SEC13: variants seen among roughly 807,000 people sequenced by gnomAD.
SEC13 encodes SEC13 homolog, nuclear pore and COPII component, also known as protein SEC13 homolog.
A neutral mutation model predicts 49.2 loss-of-function variants in SEC13; 25 were observed. The observed-to-expected ratio is 0.51, with a 90% CI of 0.37 to 0.71. The LOEUF (loss-of-function observed/expected upper bound fraction) is 0.71. Among genes scored for constraint, SEC13 ranks in the 30% least tolerant of loss-of-function variants. The pLI is 0.00. For synonymous variants in SEC13, 148 were observed against 163.9 expected (o/e 0.90, Z 0.74); for missense variants, 383 against 417.6 (o/e 0.92, Z 0.72).
intron 1 of SEC13, 106 bp downstream of exon 1, chr3:10,320,944 C>A: frequency 6.4e-7 from 1 of 1,559,380 alleles, no homozygotes; most frequent in East Asian, 2.4e-5. Flanking sequence ...TGGAGGGGAG[C>A]TGAACGGCTC....
intron 5 of SEC13, among the ~76,000 whole-genome samples, chr3:10,309,299 T>G (rs534366031): frequency 6.6e-6 from 1 of 152,276 alleles, no homozygotes; most frequent in African/African-American, 2.4e-5. Context: ...TTTTTTAATT[T>G]TAAGAAAGTT....
chr3:10,317,364 C>G (rs1701670703), intron 2 of SEC13, among the ~76,000 whole-genome samples: 1 of 152,200 alleles, frequency 6.6e-6, no homozygotes, highest in Non-Finnish European at 1.5e-5. Context: ...GGGCAAGAAC[C>G]CTGACATGAA....
In SEC13 at chr3:10,300,994, C is replaced by A; in HGVS notation, c.*267G>T. On this transcript the variant is annotated 3_prime_UTR_variant, in exon 9 of 9. Coordinates refer to ENST00000350697, the MANE Select transcript of SEC13 (RefSeq NM_183352.3). ...AAAACCCCCCAAATAATGCCTGAAC[C>A]CAAAGGTACATAAAAATGACCCAAA... is the stretch of plus-strand genomic sequence containing the variant. 7.7e-7 allele frequency: 1 copy of A among 1,301,436 alleles called. No individual in the cohort carries two copies. Among genetic ancestry groups the A allele is most frequent in the Non-Finnish European group, 1.1e-6 (1 of 923,214 alleles). The allele number at this position is 1,301,436 out of a possible 1,614,324, so 80.6% of individuals were successfully genotyped here.
chr3:10,312,026 G>C lies in SEC13; in HGVS notation c.389C>G (p.Ser130Cys), dbSNP rs1309220875. ...LACGSSDGAI[S>C]LLTYTGEGQW... ...GCCTTCCCCGGTGTAAGTCAGCAGG[G>C]AGATGGCCCCATCCGAGCTCCCACA... The change falls in exon 5 of 9, where the codon TCC (serine) becomes TGC (cysteine). Residue 130 changes from serine to cysteine, a missense_variant. By Grantham distance (112) the Ser-to-Cys change is moderately radical. Transcript: ENST00000350697. 2 of 1,613,958 alleles carry C rather than the reference G, an allele frequency of 1.2e-6. No individual in the cohort carries two copies. Among genetic ancestry groups the C allele is most frequent in the Non-Finnish European group, 1.7e-6 (2 of 1,180,002 alleles).
At chr3:10,308,933 AT>A (rs56801249) in intron 5 of SEC13, among the ~76,000 whole-genome samples, 23,583 of 101,552 alleles carry the variant, frequency 0.23, 2,486 homozygotes, top group East Asian at 0.42. Context: ...CCTGGCCTTG[AT>A]TTTTTTTTTT....
At chr3:10,316,989 G>A (rs914389298) in intron 2 of SEC13, among the ~76,000 whole-genome samples, 3 of 119,416 alleles carry the variant, frequency 2.5e-5, no homozygotes, top group Admixed American at 2.2e-4. Flanking sequence ...CTACAAGAGC[G>A]AAACTCCATC....
intron 3 of SEC13, 30 bp downstream of exon 3, chr3:10,315,291 G>A: frequency 1.3e-6 from 2 of 1,515,468 alleles, no homozygotes; most frequent in Non-Finnish European, 1.8e-6. Context: ...ACCATTCCTG[G>A]AGCCCTTCCC....
chr3:10,307,047 T>C (rs1378207363), intron 5 of SEC13, among the ~76,000 whole-genome samples: 1 of 144,144 alleles, frequency 6.9e-6, no homozygotes, highest in Non-Finnish European at 1.5e-5. Context: ...TTATTTATTA[T>C]TAACAATTTT....
chr3:10,305,964 A>T (rs1700850311), intron 5 of SEC13: 6 of 314,456 alleles, frequency 1.9e-5, no homozygotes, highest in Admixed American at 4.4e-5. Flanking sequence ...AAAGAATGGT[A>T]CATTGGAGCT....
At chr3:10,305,305 C>G (rs1700803075) in intron 6 of SEC13, 149 bp from the exon 7 acceptor site, 1 of 1,244,980 alleles carries the variant, frequency 8.0e-7, no homozygotes, top group African/African-American at 2.1e-5. Context: ...TCCCTTCACC[C>G]CAGCTGTAAA....
chr3:10,312,573 G>A lies in SEC13; in HGVS notation c.316+6C>T. The A allele has an allele frequency of 1.2e-6, 2 of 1,614,116 alleles. No individual in the cohort carries two copies. The highest frequency in any genetic ancestry group is 1.7e-6 in the Non-Finnish European group (2 of 1,179,980). On this transcript the variant is annotated splice_donor_region_variant and intron_variant, in intron 4 of 8. Coordinates refer to ENST00000350697, the MANE Select transcript of SEC13 (RefSeq NM_183352.3). ...CTTGCCCGCTCTGCTGCCAAGCTCA[G>A]CATACCTGAGGAGTCGTGTCCCGCA...
At position 10,304,932 on chromosome 3, in the gene SEC13, C is replaced by G. The variant is rs940139985; in HGVS notation, c.708+101G>C. On this transcript the variant is annotated intron_variant, in intron 7 of 8. Coordinates refer to ENST00000350697, the MANE Select transcript of SEC13 (RefSeq NM_183352.3). ...CTCTGGGCCAAAGGTGCCTGTTGCTCTCCCTTTACCTTCCCAGAGGACTTT... is the reference window on the plus strand; with the variant it reads ...CTCTGGGCCAAAGGTGCCTGTTGCTGTCCCTTTACCTTCCCAGAGGACTTT... 3.8e-6 allele frequency: 6 copies of G among 1,568,338 alleles called. No individual in the cohort carries two copies. In the African/African-American group the frequency reaches 8.1e-5, roughly 21 times the overall value.
intron 5 of SEC13, among the ~76,000 whole-genome samples, chr3:10,308,616 C>T (rs1383812781): frequency 2.0e-5 from 3 of 151,968 alleles, no homozygotes; most frequent in East Asian, 3.9e-4. Context: ...GTATTTTAAA[C>T]ATGTTATTCT....
intron 2 of SEC13, among the ~76,000 whole-genome samples, chr3:10,317,437 T>C (rs929097226): frequency 2.6e-5 from 4 of 152,010 alleles, no homozygotes; most frequent in African/African-American, 7.3e-5. Flanking sequence ...TGAAGCAGAG[T>C]CTGTGTTTTT....
rs897023452 is a variant in SEC13 at position 10,311,968 on chromosome 3, G to A, written c.447C>T (p.His149=). 8.1e-6 allele frequency: 13 copies of A among 1,614,106 alleles called. No individual in the cohort carries two copies. Among genetic ancestry groups the A allele is most frequent in the Non-Finnish European group, 2.5e-6 (3 of 1,180,040 alleles). The change falls in exon 5 of 9, where the codon CAC becomes CAT. Residue 149 remains histidine, a synonymous_variant. Coordinates refer to ENST00000350697, the MANE Select transcript of SEC13 (RefSeq NM_183352.3). ...GAAAGGCAGGGGATGGACTCACGGT[G>A]TGAGCGTTGTTGATCTTCTTTACTT... is the stretch of plus-strand genomic sequence containing the variant. The part of the protein sequence containing the change: ...QWEVKKINNA[H]TIGCNAVSWA...
intron 5 of SEC13, among the ~76,000 whole-genome samples, chr3:10,309,445 T>C (rs555879289): frequency 1.3e-5 from 2 of 152,360 alleles, no homozygotes; most frequent in East Asian, 3.9e-4. Flanking sequence ...AATGTTTCCT[T>C]TTTCACACTG....
Position 10,301,164 on chromosome 3 carries a change from G to T in SEC13, c.*97C>A, listed in dbSNP as rs748015111. 8 of 1,613,882 alleles carry T rather than the reference G, an allele frequency of 5.0e-6. No homozygotes were observed. Among genetic ancestry groups the T allele is most frequent in the Admixed American group, 1.7e-5 (1 of 60,002 alleles). Reference sequence around the variant, plus strand: ...TAACTCCTCCTGGGAAAATAATCCTGTTGGAGTTGGGGGCTCTTCCCAGTT... The same window carrying T: ...TAACTCCTCCTGGGAAAATAATCCTTTTGGAGTTGGGGGCTCTTCCCAGTT... On this transcript the variant is annotated 3_prime_UTR_variant, in exon 9 of 9. Coordinates refer to ENST00000350697, the MANE Select transcript of SEC13 (RefSeq NM_183352.3).
intron 1 of SEC13, chr3:10,319,232 G>A: frequency 3.1e-6 from 5 of 1,613,446 alleles, no homozygotes; most frequent in Non-Finnish European, 3.4e-6. Flanking sequence ...GAGGATGGCT[G>A]CAAAGCAGTT....
chr3:10,304,466 C>T (rs958830307), intron 7 of SEC13, among the ~76,000 whole-genome samples: 7 of 152,100 alleles, frequency 4.6e-5, no homozygotes, highest in Non-Finnish European at 7.4e-5. Flanking sequence ...TTCCACTGGC[C>T]GTCTATACCT....
Sources: gnomAD v4.1 joint callset for allele counts (sites outside exome capture counted in the v4.1 genomes callset) on GRCh38, gnomAD v4.1.1 for gene constraint, MANE v1.5 for transcripts, NCBI Gene and HGNC (gene_info 2026-07-23, HGNC 2026-07-21) for gene names.